The following RBMS1 variants were observed in gnomAD, a reference collection of about 807,000 sequenced individuals.
The protein encoded by RBMS1 is RNA binding motif single stranded interacting protein 1.
Under a neutral mutation model 62.3 loss-of-function variants are expected in RBMS1, and 17 were observed. That is an observed-to-expected ratio of 0.27 (90% CI 0.19 to 0.41). RBMS1 has a LOEUF of 0.41. RBMS1 is among the 10% of genes least tolerant of loss of function. The probability of loss-of-function intolerance (pLI) is 1.00; values close to 1 mark genes in which losing one functional copy is unlikely to be tolerated. For missense variants in RBMS1, 334 were observed against 504.5 expected (o/e 0.66, Z 3.24); for synonymous variants, 172 against 170.0 (o/e 1.01, Z -0.09).
At chr2:160,478,194 C>T (rs543709183) in intron 1 of RBMS1, among the ~76,000 whole-genome samples, 4 of 152,304 alleles carry the variant, frequency 2.6e-5, no homozygotes, top group South Asian at 2.1e-4. Context: ...ACAGATAGCA[C>T]GATTTTAAAT....
At chr2:160,491,468 C>T (rs1239415117) in intron 1 of RBMS1, among the ~76,000 whole-genome samples, 1 of 152,222 alleles carries the variant, frequency 6.6e-6, no homozygotes, top group Non-Finnish European at 1.5e-5. Context: ...ATTACTAGAG[C>T]AGGCTCTTGC....
chr2:160,441,422 C>T (rs777429242), intron 1 of RBMS1, among the ~76,000 whole-genome samples: 3 of 152,072 alleles, frequency 2.0e-5, no homozygotes, highest in Admixed American at 6.5e-5. Flanking sequence ...ATGTATTAAA[C>T]GTATGTTTAA....
intron 1 of RBMS1, among the ~76,000 whole-genome samples, chr2:160,430,188 G>C (rs1682830654): frequency 2.0e-5 from 3 of 152,194 alleles, no homozygotes; most frequent in South Asian, 4.1e-4. Flanking sequence ...GAGCAGAAGA[G>C]CCACCCAGCT....
chr2:160,442,562 A>G (rs1683453172), intron 1 of RBMS1, among the ~76,000 whole-genome samples: 1 of 152,226 alleles, frequency 6.6e-6, no homozygotes, highest in Non-Finnish European at 1.5e-5. Flanking sequence ...GATCATTTAA[A>G]CTGCACATCC....
At chr2:160,485,640 G>T (rs1373928371) in intron 1 of RBMS1, among the ~76,000 whole-genome samples, 1 of 151,348 alleles carries the variant, frequency 6.6e-6, no homozygotes, top group South Asian at 2.1e-4. Context: ...ATAAGTTAAG[G>T]TATACCCAAT....
chr2:160,318,116 C>A, intron 3 of RBMS1, 53 bp downstream of exon 3: 5 of 1,563,950 alleles, frequency 3.2e-6, no homozygotes, highest in Non-Finnish European at 4.3e-6. Flanking sequence ...GTTTTAAATT[C>A]CATCATTTTT....
At chr2:160,328,439 C>T (rs1320115846) in intron 2 of RBMS1, among the ~76,000 whole-genome samples, 1 of 151,250 alleles carries the variant, frequency 6.6e-6, no homozygotes, top group Non-Finnish European at 1.5e-5. Flanking sequence ...AACCTCTCAA[C>T]ATACATTGGT....
At chr2:160,307,588 T>G (rs1002034999) in intron 4 of RBMS1, among the ~76,000 whole-genome samples, 3 of 152,244 alleles carry the variant, frequency 2.0e-5, no homozygotes, top group African/African-American at 7.2e-5. Flanking sequence ...TACACATTTG[T>G]AACATTTGCC....
chr2:160,338,964 A>G (rs1691723717), intron 2 of RBMS1, among the ~76,000 whole-genome samples: 1 of 152,216 alleles, frequency 6.6e-6, no homozygotes, highest in Non-Finnish European at 1.5e-5. Flanking sequence ...AGGCATTATA[A>G]TCCCTACTTT....
intron 2 of RBMS1, among the ~76,000 whole-genome samples, chr2:160,320,012 C>T (rs942611766): frequency 2.0e-5 from 3 of 152,166 alleles, no homozygotes. Flanking sequence ...TAACACAGAT[C>T]ACTAGGCTTA....
chr2:160,426,728 T>C (rs1460656465), intron 1 of RBMS1, among the ~76,000 whole-genome samples: 1 of 152,190 alleles, frequency 6.6e-6, no homozygotes, highest in Non-Finnish European at 1.5e-5. Flanking sequence ...CTGTGTTATA[T>C]TTAGGAATGA....
intron 2 of RBMS1, among the ~76,000 whole-genome samples, chr2:160,319,603 A>G (rs1177565609): frequency 6.6e-6 from 1 of 152,258 alleles, no homozygotes; most frequent in African/African-American, 2.4e-5. Context: ...TTCCTCATTT[A>G]CAGTCTACTT....
intron 1 of RBMS1, among the ~76,000 whole-genome samples, chr2:160,483,904 C>T (rs1191932700): frequency 1.8e-5 from 2 of 112,560 alleles, no homozygotes; most frequent in Admixed American, 2.0e-4. Context: ...TGTTGAGCTA[C>T]AACCCAGAAA....
chr2:160,468,363 A>G (rs1353839950), intron 1 of RBMS1, among the ~76,000 whole-genome samples: 1 of 152,132 alleles, frequency 6.6e-6, no homozygotes, highest in Non-Finnish European at 1.5e-5. Context: ...TTTCTATCTG[A>G]TTTAGTTTTG....
chr2:160,431,303 C>T (rs1260084463), intron 1 of RBMS1, among the ~76,000 whole-genome samples: 2 of 151,244 alleles, frequency 1.3e-5, no homozygotes, highest in African/African-American at 2.4e-5. Context: ...GGATCCAGAC[C>T]GAATCAACCT....
chr2:160,400,989 T>C (rs1010485433), intron 1 of RBMS1, among the ~76,000 whole-genome samples: 2 of 152,222 alleles, frequency 1.3e-5, no homozygotes, highest in African/African-American at 4.8e-5. Context: ...GGTTTCGTTT[T>C]GTTTTGTTTT....
chr2:160,385,697 C>A (rs1271106891), intron 1 of RBMS1, among the ~76,000 whole-genome samples: 1 of 152,200 alleles, frequency 6.6e-6, no homozygotes, highest in East Asian at 1.9e-4. Context: ...GAGATGCCCA[C>A]GTGTTCTGTT....
chr2:160,344,844 T>C (rs1692088805), intron 2 of RBMS1, among the ~76,000 whole-genome samples: 1 of 152,070 alleles, frequency 6.6e-6, no homozygotes, highest in Non-Finnish European at 1.5e-5. Flanking sequence ...AGATGCCCAA[T>C]AAAAGCTTAT....
At chr2:160,484,700 C>A (rs1427307793) in intron 1 of RBMS1, among the ~76,000 whole-genome samples, 1 of 150,970 alleles carries the variant, frequency 6.6e-6, no homozygotes, top group Non-Finnish European at 1.5e-5. Context: ...TGAAACCCCG[C>A]CTCTACTGAA....
Sources: allele counts gnomAD v4.1 joint callset (sites outside exome capture counted in the v4.1 genomes callset), GRCh38; gene constraint gnomAD v4.1.1; transcripts MANE v1.5; gene names NCBI Gene and HGNC (gene_info 2026-07-23, HGNC 2026-07-21).